SPOCK3: variants seen among roughly 807,000 people sequenced by gnomAD.
SPOCK3 encodes the protein SPARC (osteonectin), cwcv and kazal like domains proteoglycan 3.
SPOCK3 carries 30 observed loss-of-function variants against 56.6 expected under a neutral mutation model. The ratio of observed to expected loss-of-function variants is 0.53; its 90% CI spans 0.40 to 0.72. The LOEUF (loss-of-function observed/expected upper bound fraction) is 0.72. Among genes scored for constraint, SPOCK3 ranks in the 30% least tolerant of loss-of-function variants. The pLI, the probability that SPOCK3 is intolerant of heterozygous loss-of-function variation, is 0.00. For missense variants in SPOCK3, 527 were observed against 530.0 expected (o/e 0.99, Z 0.06); for synonymous variants, 196 against 183.3 (o/e 1.07, Z -0.56).
chr4:167,030,598 T>A (rs1198306083), intron 3 of SPOCK3, among the ~76,000 whole-genome samples: 1 of 152,012 alleles, frequency 6.6e-6, no homozygotes, highest in Non-Finnish European at 1.5e-5. Context: ...CATTGTTTGG[T>A]TAAGGTAAAT....
chr4:166,944,209 G>A (rs1018171706), intron 4 of SPOCK3, among the ~76,000 whole-genome samples: 1 of 152,088 alleles, frequency 6.6e-6, no homozygotes. Context: ...CTTCAAAACA[G>A]AGAAGTGTCT....
intron 7 of SPOCK3, among the ~76,000 whole-genome samples, chr4:166,781,516 G>A (rs924806837): frequency 2.0e-5 from 3 of 152,058 alleles, no homozygotes; most frequent in African/African-American, 7.2e-5. Context: ...TAATAGAGCT[G>A]TGGTTATTAT....
At chr4:166,890,029 C>T (rs1463659991) in intron 5 of SPOCK3, among the ~76,000 whole-genome samples, 1 of 151,778 alleles carries the variant, frequency 6.6e-6, no homozygotes, top group Non-Finnish European at 1.5e-5. Context: ...ACTGAACTTC[C>T]CATAGGTCTT....
intron 2 of SPOCK3, among the ~76,000 whole-genome samples, chr4:167,230,012 GT>G (rs898515354): frequency 1.3e-5 from 2 of 151,898 alleles, no homozygotes; most frequent in African/African-American, 4.8e-5. Flanking sequence ...GTACAATCCT[GT>G]TTTTATTATA....
At chr4:167,083,279 C>A (rs763442408) in intron 2 of SPOCK3, 2 of 765,120 alleles carry the variant, frequency 2.6e-6, no homozygotes, top group Non-Finnish European at 4.8e-6. Context: ...TCCAACCAAG[C>A]CCAAATCCTG....
intron 6 of SPOCK3, among the ~76,000 whole-genome samples, chr4:166,866,916 A>C (rs1305609946): frequency 2.0e-5 from 3 of 152,088 alleles, no homozygotes; most frequent in Non-Finnish European, 4.4e-5. Flanking sequence ...ATATAGTTAA[A>C]AACATGATCC....
Position 166,830,843 on chromosome 4 carries a change from T to TA in SPOCK3, c.590-38555dup, listed in dbSNP as rs575866680. Among the ~76,000 whole-genome samples the TA allele has an allele frequency of 6.6e-4, 101 of 152,252 alleles. 2 individuals carry two copies. The East Asian group carries it at 0.016, about 25-fold the overall frequency. On this transcript the variant is annotated intron_variant, in intron 6 of 10. Transcript: ENST00000357545. ...GTAGGACCAAGGACAGACTAACATC[T>TA]AAAAAAAGCTAGAGAACTTCCTCAA...
chr4:167,160,848 T>C (rs1344778873), intron 2 of SPOCK3, among the ~76,000 whole-genome samples: 5 of 152,162 alleles, frequency 3.3e-5, no homozygotes, highest in Non-Finnish European at 7.4e-5. Flanking sequence ...TGTAGAAAGC[T>C]GAAACTGCAT....
chr4:167,188,902 G>C (rs1292096059), intron 2 of SPOCK3, among the ~76,000 whole-genome samples: 1 of 146,196 alleles, frequency 6.8e-6, no homozygotes. Flanking sequence ...GACAAGAAAA[G>C]AGGTAACCTG....
chr4:167,020,035 C>CT (rs1751018467), intron 3 of SPOCK3, among the ~76,000 whole-genome samples: 1 of 152,058 alleles, frequency 6.6e-6, no homozygotes, highest in Admixed American at 6.6e-5. Flanking sequence ...TTGGATGTTA[C>CT]AGAAGTGAAA....
At chr4:167,001,469 C>T (rs1748948643) in intron 3 of SPOCK3, among the ~76,000 whole-genome samples, 1 of 152,152 alleles carries the variant, frequency 6.6e-6, no homozygotes, top group African/African-American at 2.4e-5. Flanking sequence ...CTACCTAATT[C>T]CTTTATATTG....
intron 2 of SPOCK3, among the ~76,000 whole-genome samples, chr4:167,107,284 C>T (rs2150336952): frequency 6.6e-6 from 1 of 151,944 alleles, no homozygotes; most frequent in African/African-American, 2.4e-5. Context: ...TTCAACAACA[C>T]ATTGAAAAGA....
At chr4:166,869,606 C>CTGTGTGTG (rs34623275) in intron 6 of SPOCK3, among the ~76,000 whole-genome samples, 238 of 141,922 alleles carry the variant, frequency 1.7e-3, no homozygotes, top group Middle Eastern at 3.5e-3. Context: ...CAATAGAATT[C>CTGTGTGTG]TGTGTGTGTG....
At chr4:167,033,707 C>T (rs1752483753) in intron 3 of SPOCK3, among the ~76,000 whole-genome samples, 1 of 151,822 alleles carries the variant, frequency 6.6e-6, no homozygotes, top group African/African-American at 2.4e-5. Context: ...TCTTCCTTGC[C>T]TGCCTGGGCC....
intron 3 of SPOCK3, among the ~76,000 whole-genome samples, chr4:167,058,241 C>G (rs528579701): frequency 6.6e-6 from 1 of 152,120 alleles, no homozygotes; most frequent in Admixed American, 6.5e-5. Flanking sequence ...GATTGTATAT[C>G]TAGAAAACCC....
At chr4:167,213,055 C>T (rs939349030) in intron 2 of SPOCK3, among the ~76,000 whole-genome samples, 2 of 152,282 alleles carry the variant, frequency 1.3e-5, no homozygotes, top group East Asian at 1.9e-4. Flanking sequence ...ATTTTCCAGA[C>T]GTTTATTTAC....
intron 3 of SPOCK3, among the ~76,000 whole-genome samples, chr4:167,028,516 C>G (rs1751942666): frequency 6.6e-6 from 1 of 152,014 alleles, no homozygotes; most frequent in African/African-American, 2.4e-5. Flanking sequence ...TTGAGGGCCC[C>G]TTATATTGTT....
chr4:166,880,225 G>A (rs1347383214), intron 6 of SPOCK3, among the ~76,000 whole-genome samples: 1 of 152,076 alleles, frequency 6.6e-6, no homozygotes, highest in Non-Finnish European at 1.5e-5. Flanking sequence ...TGAAGTCTGT[G>A]GTCATTTCTC....
intron 2 of SPOCK3, among the ~76,000 whole-genome samples, chr4:167,077,511 C>A (rs1012058087): frequency 1.3e-5 from 2 of 151,832 alleles, no homozygotes; most frequent in African/African-American, 4.8e-5. Flanking sequence ...TACAGAAAGA[C>A]AATCTCTATA....
Sources: allele counts gnomAD v4.1 joint callset (sites outside exome capture counted in the v4.1 genomes callset), GRCh38; gene constraint gnomAD v4.1.1; transcripts MANE v1.5; gene names NCBI Gene and HGNC (gene_info 2026-07-23, HGNC 2026-07-21).